AFP: variants seen among roughly 807,000 people sequenced by gnomAD.
AFP encodes the protein alpha-fetoprotein.
In AFP, 64 loss-of-function variants were observed where a neutral mutation model predicts 78.9. The observed-to-expected ratio is 0.81, with a 90% confidence interval of 0.66 to 1.00. The LOEUF (loss-of-function observed/expected upper bound fraction) is 1.00. Among genes scored for constraint, AFP ranks in the 50% least tolerant of loss-of-function variants. AFP has a pLI of 0.00. For synonymous variants in AFP, 254 were observed against 243.8 expected (o/e 1.04, Z -0.39); for missense variants, 689 against 703.8 (o/e 0.98, Z 0.24).
chr4:73,446,818 T>G (rs1719842582), intron 7 of AFP, among the ~76,000 whole-genome samples: 1 of 152,190 alleles, frequency 6.6e-6, no homozygotes, highest in African/African-American at 2.4e-5. Context: ...CCCTCTTATT[T>G]GTAAAGGTTT....
chr4:73,438,303 C>A lies in AFP; in HGVS notation c.267C>A (p.Asn89Lys). Residue 89 changes from asparagine (N) to lysine (K), a missense_variant, in exon 3 of 15, where the codon AAC (asparagine) becomes AAA (lysine). By Grantham distance (94) the Asn-to-Lys change is moderately conservative (BLOSUM62 0). Transcript: ENST00000395792. ...AACAGTCTTCAGGGTGTTTAGAAAA[C>A]CAGGTGAGTGAATAATTTTAAAAAA... The part of the protein sequence containing the change: ...GDEQSSGCLE[N>K]QLPAFLEELC... The A allele has an allele frequency of 1.2e-6, 2 of 1,611,738 alleles. No individual in the cohort carries two copies. The highest frequency in any genetic ancestry group is 1.7e-6 in the Non-Finnish European group (2 of 1,178,604).
Position 73,449,445 on chromosome 4 carries a change from C to T in AFP, c.1169C>T (p.Pro390Leu). Residue 390 changes from proline (P) to leucine (L), a missense_variant, in exon 9 of 15, where the codon CCT becomes CTT. Physicochemically the swap from Pro to Leu is moderately conservative, Grantham distance 98. Coordinates refer to ENST00000395792, the MANE Select transcript of AFP (RefSeq NM_001134.3). The stretch of plus-strand genomic sequence containing the variant: ...GAGAAGTGTTTCCAGACTGAAAACC[C>T]TCTTGAATGCCAAGATAAAGGAGTA... The part of the protein sequence containing the change: ...LLEKCFQTEN[P>L]LECQDKGEEE... 1 of 1,613,568 alleles carries T rather than the reference C, an allele frequency of 6.2e-7. No individual in the cohort carries two copies. Among genetic ancestry groups the T allele is most frequent in the Non-Finnish European group, 8.5e-7 (1 of 1,179,670 alleles).
chr4:73,450,549 A>G (rs1290736855), intron 10 of AFP, 66 bp from the exon 11 acceptor site: 29 of 1,610,080 alleles, frequency 1.8e-5, no homozygotes, highest in Non-Finnish European at 2.4e-5. Flanking sequence ...GTCTGTGAGA[A>G]GAAGCAAGGC....
At chr4:73,436,801 G>C (rs1337586533) in intron 1 of AFP, among the ~76,000 whole-genome samples, 1 of 151,730 alleles carries the variant, frequency 6.6e-6, no homozygotes, top group Non-Finnish European at 1.5e-5. Flanking sequence ...TTGTGACTGG[G>C]ATATGAATGG....
At chr4:73,444,193 A>T (rs760396045) in intron 6 of AFP, among the ~76,000 whole-genome samples, 4 of 152,162 alleles carry the variant, frequency 2.6e-5, no homozygotes, top group Admixed American at 1.3e-4. Flanking sequence ...AAGAAGTCAG[A>T]TTTATGCCTT....
chr4:73,454,303 A>G (rs1204368434), intron 13 of AFP, among the ~76,000 whole-genome samples: 1 of 152,018 alleles, frequency 6.6e-6, no homozygotes, highest in Non-Finnish European at 1.5e-5. Flanking sequence ...TTTTGAACTC[A>G]TTTAGAAGCT....
At chr4:73,452,084 A>G (rs1720008648) in intron 11 of AFP, among the ~76,000 whole-genome samples, 1 of 152,230 alleles carries the variant, frequency 6.6e-6, no homozygotes, top group Non-Finnish European at 1.5e-5. Flanking sequence ...ACATAAAGGC[A>G]GAGACATTTT....
chr4:73,443,585 G>A, intron 6 of AFP, 141 bp downstream of exon 6: 1 of 673,906 alleles, frequency 1.5e-6, no homozygotes, highest in Non-Finnish European at 2.7e-6. Flanking sequence ...AATGGGATTA[G>A]AACCATGAAC....
Position 73,447,591 on chromosome 4 carries a change from G to A in AFP, c.973G>A (p.Gly325Ser). Residue 325 changes from glycine (G) to serine (S), a missense_variant, in exon 8 of 15, where the codon GGT (glycine) becomes AGT (serine). By Grantham distance (56) the Gly-to-Ser change is moderately conservative (BLOSUM62 0). Transcript: ENST00000395792. ...TGCAGAAAATGATGAAAAACCTGAA[G>A]GTCTATCTCCAAATCTAAACAGGTT... ...IHAENDEKPE[G>S]LSPNLNRFLG... The A allele has an allele frequency of 6.2e-7, 1 of 1,612,286 alleles. No individual in the cohort carries two copies. Among genetic ancestry groups the A allele is most frequent in the Non-Finnish European group, 8.5e-7 (1 of 1,179,712 alleles).
In AFP at chr4:73,443,353, A is replaced by G. The variant is rs1719726073; in HGVS notation, c.622A>G (p.Thr208Ala). The G allele has an allele frequency of 6.2e-7, 1 of 1,612,442 alleles. No individual in the cohort carries two copies. Among genetic ancestry groups the G allele is most frequent in the Non-Finnish European group, 8.5e-7 (1 of 1,178,526 alleles). Reference protein sequence around the residue: ...AVECFQTKAATVTKELRESSL... With the variant: ...AVECFQTKAAAVTKELRESSL... ...TTGTTTCCTCTACATCTAGGCAGCA[A>G]CAGTTACAAAAGAATTAAGAGAAAG... is the stretch of plus-strand genomic sequence containing the variant. The change falls in exon 6 of 15, where the codon ACA becomes GCA. Residue 208 changes from threonine to alanine, a missense_variant. By Grantham distance (58) the Thr-to-Ala change is moderately conservative (BLOSUM62 0). Transcript: ENST00000395792.
At chr4:73,446,443 A>G (rs1451050475) in intron 7 of AFP, among the ~76,000 whole-genome samples, 1 of 152,232 alleles carries the variant, frequency 6.6e-6, no homozygotes, top group Non-Finnish European at 1.5e-5. Flanking sequence ...GGTTCTAATT[A>G]TCTTTGCTGA....
intron 12 of AFP, 140 bp downstream of exon 12, chr4:73,452,764 G>A: frequency 1.3e-6 from 1 of 767,194 alleles, no homozygotes; most frequent in South Asian, 1.5e-5. Flanking sequence ...TTTGAAAATA[G>A]TTTTGTCTCA....
chr4:73,436,518 A>C (rs1485796297), intron 1 of AFP, among the ~76,000 whole-genome samples, 171 bp downstream of exon 1: 4 of 151,882 alleles, frequency 2.6e-5, no homozygotes, highest in Admixed American at 1.3e-4. Flanking sequence ...ACTTTACAAG[A>C]GGTTTACAAA....
rs765812136 is a variant in AFP, at chr4:73,449,443, C to T, written c.1167C>T (p.Asn389=). The T allele has an allele frequency of 1.1e-5, 18 of 1,613,550 alleles. No homozygotes were observed. The highest frequency in any genetic ancestry group is 3.3e-4 in the Middle Eastern group (2 of 6,056). The change falls in exon 9 of 15, where the codon AAC becomes AAT. Residue 389 remains asparagine, a synonymous_variant. Coordinates refer to ENST00000395792, the MANE Select transcript of AFP (RefSeq NM_001134.3). ...TGGAGAAGTGTTTCCAGACTGAAAA[C>T]CCTCTTGAATGCCAAGATAAAGGAG... ...ELLEKCFQTE[N]PLECQDKGEE... is the part of the protein sequence containing the mutation.
intron 4 of AFP, among the ~76,000 whole-genome samples, chr4:73,441,701 G>A (rs538078904): frequency 1.8e-4 from 27 of 151,642 alleles, no homozygotes; most frequent in African/African-American, 6.0e-4. Flanking sequence ...CCATTTTGTT[G>A]ATAGGAAATT....
chr4:73,442,507 C>T (rs767183029), intron 5 of AFP, 79 bp downstream of exon 5: 8 of 1,532,998 alleles, frequency 5.2e-6, no homozygotes, highest in Non-Finnish European at 4.5e-6. Flanking sequence ...AAAATGAAAA[C>T]GTGCTTAATT....
In AFP at chr4:73,440,743, C is replaced by T. The variant is rs752874579; in HGVS notation, c.412C>T (p.Leu138Phe). 2 of 1,614,184 alleles carry T rather than the reference C, an allele frequency of 1.2e-6. No individual in the cohort carries two copies. Among genetic ancestry groups the T allele is most frequent in the South Asian group, 2.2e-5 (2 of 91,084 alleles). Residue 138 changes from leucine to phenylalanine, a missense_variant, in exon 4 of 15, where the codon CTT becomes TTT. Leu to Phe is a conservative substitution (Grantham distance 22, BLOSUM62 0). Transcript: ENST00000395792. ...AAAGCCCACTCCAGCATCGATCCCA[C>T]TTTTCCAAGTTCCAGAACCTGTCAC... Reference protein sequence around the residue: ...HKKPTPASIPLFQVPEPVTSC... With the variant: ...HKKPTPASIPFFQVPEPVTSC...
intron 7 of AFP, among the ~76,000 whole-genome samples, chr4:73,446,687 G>A (rs182936735): frequency 1.9e-5 from 1 of 52,934 alleles, no homozygotes; most frequent in African/African-American, 6.6e-5. Context: ...GGAATTTCTC[G>A]TGGAGCAGAA....
At chr4:73,438,736 T>C (rs554680479) in intron 3 of AFP, among the ~76,000 whole-genome samples, 10 of 152,248 alleles carry the variant, frequency 6.6e-5, no homozygotes, top group African/African-American at 2.4e-4. Context: ...AATAAAAATA[T>C]TTTATGACAT....
Sources: allele counts gnomAD v4.1 joint callset (sites outside exome capture counted in the v4.1 genomes callset), GRCh38; gene constraint gnomAD v4.1.1; transcripts MANE v1.5; gene names NCBI Gene and HGNC (gene_info 2026-07-23, HGNC 2026-07-21).